The following ATP2B2 variants were observed in gnomAD, a reference collection of about 807,000 sequenced individuals.
ATP2B2 encodes plasma membrane calcium-transporting ATPase 2.
A neutral mutation model predicts 120.0 loss-of-function variants in ATP2B2; 15 were observed. The ratio of observed to expected loss-of-function variants is 0.12; its 90% confidence interval spans 0.08 to 0.19. ATP2B2 has a LOEUF of 0.19. Ranked by LOEUF, ATP2B2 falls within the 10% of genes least tolerant of loss-of-function variation. ATP2B2 has a pLI of 1.00. For missense variants in ATP2B2, 1,045 were observed against 1,719.8 expected (o/e 0.61, Z 6.94); for synonymous variants, 694 against 700.3 (o/e 0.99, Z 0.14).
At chr3:10,427,903 C>T (rs1231832097) in intron 2 of ATP2B2, among the ~76,000 whole-genome samples, 1 of 152,336 alleles carries the variant, frequency 6.6e-6, no homozygotes. Flanking sequence ...TCCTGTAACC[C>T]CTTTCTGCCA....
rs1368243429 is a variant in ATP2B2 at position 10,329,411 on chromosome 3, G to A, written c.3421-286C>T. 6.6e-6 allele frequency among the ~76,000 whole-genome samples: 1 copy of A among 152,094 alleles called. No homozygotes were observed. Among genetic ancestry groups the A allele is most frequent in the Non-Finnish European group, 1.5e-5 (1 of 68,020 alleles). On this transcript the variant is annotated intron_variant, in intron 22 of 22. Transcript: ENST00000360273. The surrounding 1 kb of genome is among the most constrained non-coding windows in gnomAD (Gnocchi z 5.9). ...ATCAAAGAGATGATGGGGAACAGTG[G>A]TTAAAGGAAGCACAGTCGACTCCTG... is the stretch of plus-strand genomic sequence containing the variant.
At chr3:10,365,979 C>CA (rs1265441364) in intron 12 of ATP2B2, among the ~76,000 whole-genome samples, 1 of 149,940 alleles carries the variant, frequency 6.7e-6, no homozygotes, top group South Asian at 2.1e-4. Context: ...CGGTGTTCGC[C>CA]AAAAAAACCA....
chr3:10,480,648 C>T (rs1373176607), intron 1 of ATP2B2, among the ~76,000 whole-genome samples: 1 of 152,222 alleles, frequency 6.6e-6, no homozygotes, highest in Non-Finnish European at 1.5e-5. Context: ...AGCCTAGACC[C>T]CTAGCTTGGT....
intron 3 of ATP2B2, among the ~76,000 whole-genome samples, chr3:10,530,450 T>G (rs1215498502): frequency 6.6e-6 from 1 of 152,154 alleles, no homozygotes; most frequent in Non-Finnish European, 1.5e-5. Flanking sequence ...GCACCACGCT[T>G]CCTCCCCAAG....
At chr3:10,637,316 A>G (rs910107352) in intron 1 of ATP2B2, among the ~76,000 whole-genome samples, 1 of 152,244 alleles carries the variant, frequency 6.6e-6, no homozygotes, top group African/African-American at 2.4e-5. Flanking sequence ...AATTACAATC[A>G]AAGTGAAAAG....
At chr3:10,386,364 C>T in intron 7 of ATP2B2, 116 bp downstream of exon 7, 1 of 1,218,874 alleles carries the variant, frequency 8.2e-7, no homozygotes, top group South Asian at 1.2e-5. Context: ...GGTGGAGCCA[C>T]CCACAGGCAT....
intron 2 of ATP2B2, among the ~76,000 whole-genome samples, chr3:10,419,386 C>T (rs2062895416): frequency 6.6e-6 from 1 of 152,252 alleles, no homozygotes; most frequent in African/African-American, 2.4e-5. Context: ...TACTGGCCTT[C>T]ACAAAGGATA....
intron 22 of ATP2B2, chr3:10,330,339 A>G (rs2125324438): frequency 6.5e-6 from 1 of 153,890 alleles, no homozygotes; most frequent in Non-Finnish European, 1.5e-5. Flanking sequence ...GACAAGCCAC[A>G]CTAGCTCTCT....
chr3:10,568,584 G>T (rs1195515475), intron 2 of ATP2B2, among the ~76,000 whole-genome samples: 1 of 152,218 alleles, frequency 6.6e-6, no homozygotes, highest in African/African-American at 2.4e-5. Flanking sequence ...TCTACTACCA[G>T]CTATTTATGG....
rs1286872809 is a variant in ATP2B2, at chr3:10,338,245, G to A, written c.3351C>T (p.Asp1117=). 2.5e-6 allele frequency: 4 copies of A among 1,614,058 alleles called. No homozygotes were observed. Among genetic ancestry groups the A allele is most frequent in the Non-Finnish European group, 1.7e-6 (2 of 1,180,044 alleles). Residue 1117 remains aspartate, a synonymous_variant, in exon 22 of 23, where the codon GAC becomes GAT. Transcript: ENST00000360273. ...CCCGCCGCAGCTCCCGCTCCGCGTG[G>A]TCGATCTCCTCCACGTCCTCGTTGA... The part of the protein sequence containing the change: ...EELNEDVEEI[D]HAERELRRGQ...
intron 1 of ATP2B2, among the ~76,000 whole-genome samples, chr3:10,620,860 G>A (rs2125623725): frequency 6.6e-6 from 1 of 152,322 alleles, no homozygotes. Context: ...ACAGCAGGCA[G>A]GATACCAGTG....
chr3:10,408,757 T>C (rs1164033115), intron 3 of ATP2B2, among the ~76,000 whole-genome samples: 1 of 152,046 alleles, frequency 6.6e-6, no homozygotes, highest in East Asian at 1.9e-4. Context: ...CTGGCACACA[T>C]GAGGCGCTCG....
chr3:10,575,264 G>A (rs2068218630), intron 2 of ATP2B2, among the ~76,000 whole-genome samples: 1 of 152,170 alleles, frequency 6.6e-6, no homozygotes, highest in Non-Finnish European at 1.5e-5. Flanking sequence ...GAGGGGAGGT[G>A]CAAGAAGGCT....
intron 5 of ATP2B2, among the ~76,000 whole-genome samples, chr3:10,396,248 G>A (rs1416205625): frequency 1.3e-5 from 2 of 152,232 alleles, no homozygotes; most frequent in Non-Finnish European, 2.9e-5. Flanking sequence ...ACAGTCACAC[G>A]TGTGCATGCC....
chr3:10,380,350 C>T (rs1324938463), intron 8 of ATP2B2, among the ~76,000 whole-genome samples: 1 of 152,238 alleles, frequency 6.6e-6, no homozygotes, highest in Non-Finnish European at 1.5e-5. Flanking sequence ...AGGCCTCGCC[C>T]CCTTGGGAGG....
chr3:10,649,104 G>T (rs776558282), intron 1 of ATP2B2, among the ~76,000 whole-genome samples: 18 of 152,070 alleles, frequency 1.2e-4, no homozygotes, highest in Admixed American at 6.5e-4. Context: ...TATAGAGACG[G>T]GGTCTTCCTT....
intron 2 of ATP2B2, among the ~76,000 whole-genome samples, chr3:10,611,895 T>C (rs545348869): frequency 2.5e-4 from 38 of 152,298 alleles, no homozygotes; most frequent in Admixed American, 1.8e-3. Flanking sequence ...GGGCCCAGCA[T>C]ATTCCCAGGT....
At chr3:10,687,086 A>G (rs972445611) in intron 1 of ATP2B2, among the ~76,000 whole-genome samples, 9 of 152,240 alleles carry the variant, frequency 5.9e-5, no homozygotes, top group African/African-American at 1.4e-4. Flanking sequence ...CCAAATAAGC[A>G]GTACAGAAAA....
chr3:10,464,257 G>A (rs2064635220), intron 1 of ATP2B2, among the ~76,000 whole-genome samples: 1 of 152,154 alleles, frequency 6.6e-6, no homozygotes, highest in African/African-American at 2.4e-5. Flanking sequence ...GACAGAAGGG[G>A]GTGCGGGTGG....
Sources: allele counts gnomAD v4.1 joint callset (sites outside exome capture counted in the v4.1 genomes callset), GRCh38; gene constraint gnomAD v4.1.1; non-coding constraint Gnocchi (gnomAD v3.1); transcripts MANE v1.5; gene names NCBI Gene and HGNC (gene_info 2026-07-23, HGNC 2026-07-21).